VPS13C: variants seen among roughly 807,000 people sequenced by gnomAD.
VPS13C encodes the protein intermembrane lipid transfer protein VPS13C.
A neutral mutation model predicts 456.8 loss-of-function variants in VPS13C; 358 were observed. The observed-to-expected ratio is 0.78, with a 90% CI of 0.72 to 0.86. VPS13C has a LOEUF of 0.86. VPS13C is among the 40% of genes least tolerant of loss of function. The pLI is 0.00. For missense variants in VPS13C, 4,818 were observed against 4,385.4 expected, an observed-to-expected ratio of 1.10 and a Z score of -2.79; for synonymous variants, 1,578 against 1,486.7, an observed-to-expected ratio of 1.06 and a Z score of -1.41.
chr15:61,924,551 A>G (rs2043781530), intron 53 of VPS13C, among the ~76,000 whole-genome samples: 2 of 152,244 alleles, frequency 1.3e-5, no homozygotes, highest in Non-Finnish European at 1.5e-5. Context: ...CAAAGAATGT[A>G]AAGTCTCACC....
rs777595580 is a variant in VPS13C, at chr15:61,934,338, G to C, written c.5756-7C>G. 1 of 1,482,064 alleles carries C rather than the reference G, an allele frequency of 6.7e-7. No homozygotes were observed. The highest frequency in any genetic ancestry group is 2.3e-5 in the Admixed American group (1 of 44,348). The allele number at this position is 1,482,064 out of a possible 1,614,324, so 91.8% of individuals were successfully genotyped here. On this transcript the variant is annotated splice_polypyrimidine_tract_variant and splice_region_variant and intron_variant, in intron 48 of 84. Transcript: ENST00000644861. Reference sequence around the variant, plus strand: ...TCTGTCCAATCTTCTTGTTCTAATGGTGAAAATTTAAAAGCTTTTAAGTAG... The same window carrying C: ...TCTGTCCAATCTTCTTGTTCTAATGCTGAAAATTTAAAAGCTTTTAAGTAG...
Position 61,947,182 on chromosome 15 carries a change from T to C in VPS13C, c.4876+11A>G. On this transcript the variant is annotated intron_variant, in intron 43 of 84. Transcript: ENST00000644861. ...AAACAGAAATACCTACAACAAGAAGTAACTACTTACCATGTATTTTAATAT... is the reference window on the plus strand; with the variant it reads ...AAACAGAAATACCTACAACAAGAAGCAACTACTTACCATGTATTTTAATAT... 1 of 1,500,050 alleles carries C rather than the reference T, an allele frequency of 6.7e-7. No individual in the cohort carries two copies. The highest frequency in any genetic ancestry group is 9.0e-7 in the Non-Finnish European group (1 of 1,107,126). 92.9% of individuals were successfully genotyped at this position (1,500,050 alleles called of 1,614,324 possible).
At chr15:61,856,486 G>C (rs1000105224) in intron 82 of VPS13C, 77 bp from the exon 83 acceptor site, 1 of 1,543,382 alleles carries the variant, frequency 6.5e-7, no homozygotes, top group South Asian at 1.2e-5. Context: ...CACCCTACTG[G>C]ATGGCAGAGG....
intron 22 of VPS13C, among the ~76,000 whole-genome samples, chr15:61,980,675 T>C (rs1297721793): frequency 6.6e-6 from 1 of 152,128 alleles, no homozygotes; most frequent in Non-Finnish European, 1.5e-5. Flanking sequence ...CTATTTTTCT[T>C]CAGTTAGTAA....
In VPS13C at chr15:61,945,060, T is replaced by A. The variant is rs185947352; in HGVS notation, c.5148+655A>T. 9.9e-4 allele frequency among the ~76,000 whole-genome samples: 150 copies of A among 152,246 alleles called. 1 individual carries two copies. The highest frequency in any genetic ancestry group is 3.4e-3 in the African/African-American group (142 of 41,548). On this transcript the variant is annotated intron_variant, in intron 45 of 84. Transcript: ENST00000644861. ...CTTGTGATAGTGAGTTCTCATGAGA[T>A]CTGATGGTTTTATAAGAGGCTCTTC...
chr15:62,017,509 G>C (rs1311954725), intron 9 of VPS13C, among the ~76,000 whole-genome samples: 2 of 152,178 alleles, frequency 1.3e-5, no homozygotes, highest in Non-Finnish European at 2.9e-5. Flanking sequence ...CATATGGCTA[G>C]CCAGTTTTCC....
At chr15:61,970,416 C>G (rs2045510414) in intron 27 of VPS13C, among the ~76,000 whole-genome samples, 1 of 151,966 alleles carries the variant, frequency 6.6e-6, no homozygotes, top group African/African-American at 2.4e-5. Flanking sequence ...CAATAATAAC[C>G]AGAATAATAT....
rs889929272 is a variant in VPS13C, at chr15:61,858,551, T to G, written c.10953-2142A>C. 6.6e-6 allele frequency among the ~76,000 whole-genome samples: 1 copy of G among 152,142 alleles called. No individual in the cohort carries two copies. The highest frequency in any genetic ancestry group is 2.4e-5 in the African/African-American group (1 of 41,440). On this transcript the variant is annotated intron_variant, in intron 82 of 84. Transcript: ENST00000644861. This position sits in a 1 kb window ranked among gnomAD's most constrained non-coding sequence, Gnocchi z 4.4. ...AGTCTCCAAGATTCCCCAACCCTGG[T>G]ATATATCTCTGTATAGTGCCCTGGA...
intron 5 of VPS13C, among the ~76,000 whole-genome samples, chr15:62,031,698 G>A (rs1567130413): frequency 1.3e-5 from 2 of 151,794 alleles, no homozygotes; most frequent in Non-Finnish European, 2.9e-5. Context: ...AAGCTACAAT[G>A]TCATTACCAT....
chr15:62,013,088 C>G lies in VPS13C; in HGVS notation c.776G>C (p.Trp259Ser). The change falls in exon 11 of 85, where the codon TGG becomes TCG. Residue 259 changes from tryptophan (W) to serine (S), a missense_variant. Coordinates refer to ENST00000644861, the MANE Select transcript of VPS13C (RefSeq NM_020821.3). ...LIRLDSLSAYWNVNCSMSYQR... is the reference protein window; with the variant it reads ...LIRLDSLSAYSNVNCSMSYQR... ...GTAAGACATGCTGCAATTTACATTC[C>G]AGTAGGCGCTAAGACTATCAAGTCG... The G allele has an allele frequency of 6.2e-7, 1 of 1,610,182 alleles. No homozygotes were observed. Among genetic ancestry groups the G allele is most frequent in the East Asian group, 2.2e-5 (1 of 44,656 alleles).
intron 16 of VPS13C, among the ~76,000 whole-genome samples, chr15:61,995,660 A>C (rs1241101678): frequency 6.6e-6 from 1 of 152,226 alleles, no homozygotes; most frequent in African/African-American, 2.4e-5. Flanking sequence ...AGCTCTAGCC[A>C]GAAATCAACA....
chr15:61,885,998 T>C (rs1300678368), intron 67 of VPS13C, among the ~76,000 whole-genome samples: 1 of 152,142 alleles, frequency 6.6e-6, no homozygotes, highest in Non-Finnish European at 1.5e-5. Flanking sequence ...AATTGACTAT[T>C]GAGGTTGTTC....
intron 3 of VPS13C, among the ~76,000 whole-genome samples, chr15:62,038,158 A>T (rs1725628412): frequency 6.6e-6 from 1 of 152,214 alleles, no homozygotes; most frequent in South Asian, 2.1e-4. Flanking sequence ...AATCCTAAAC[A>T]TAAAACCTGA....
intron 81 of VPS13C, chr15:61,865,724 G>GTGTT: frequency 2.1e-6 from 1 of 467,146 alleles, no homozygotes; most frequent in Non-Finnish European, 2.8e-6. Context: ...GTGTATATAT[G>GTGTT]TGTTTGTGTG....
chr15:61,919,510 C>T, intron 57 of VPS13C, 61 bp from the exon 58 acceptor site: 1 of 1,405,868 alleles, frequency 7.1e-7, no homozygotes. Flanking sequence ...TTCTCTATAA[C>T]AATCATTAGT....
intron 61 of VPS13C, among the ~76,000 whole-genome samples, chr15:61,914,160 A>T (rs1278747831): frequency 1.3e-5 from 2 of 152,182 alleles, no homozygotes; most frequent in Non-Finnish European, 2.9e-5. Flanking sequence ...GTGTTAATCA[A>T]CACTCAAAGA....
At chr15:61,907,945 A>T (rs978249517) in intron 65 of VPS13C, among the ~76,000 whole-genome samples, 1 of 152,252 alleles carries the variant, frequency 6.6e-6, no homozygotes, top group South Asian at 2.1e-4. Flanking sequence ...TACAATACTT[A>T]AGATATATTA....
At chr15:62,034,688 A>G (rs1446564063) in intron 4 of VPS13C, among the ~76,000 whole-genome samples, 1 of 151,910 alleles carries the variant, frequency 6.6e-6, no homozygotes, top group Non-Finnish European at 1.5e-5. Context: ...CTCAACAGGA[A>G]GCCTTAGTTG....
rs183962320 is a variant in VPS13C at position 61,912,098 on chromosome 15, T to C, written c.8551-94A>G. The C allele has an allele frequency of 1.2e-3, 1,284 of 1,082,434 alleles. 2 individuals are homozygous for C. Among genetic ancestry groups the C allele is most frequent in the Non-Finnish European group, 1.0e-3 (853 of 829,058 alleles). 67.1% of individuals were successfully genotyped at this position (1,082,434 alleles called of 1,614,324 possible). Reference sequence around the variant, plus strand: ...TTCACACACAAACTTCTTACAATATTTTAAAATAATAATTCTTAAATAAAG... The same window carrying C: ...TTCACACACAAACTTCTTACAATATCTTAAAATAATAATTCTTAAATAAAG... On this transcript the variant is annotated intron_variant, in intron 62 of 84. Coordinates refer to ENST00000644861, the MANE Select transcript of VPS13C (RefSeq NM_020821.3).
Sources: allele counts gnomAD v4.1 joint callset (sites outside exome capture counted in the v4.1 genomes callset), GRCh38; gene constraint gnomAD v4.1.1; non-coding constraint Gnocchi (gnomAD v3.1); transcripts MANE v1.5; gene names NCBI Gene and HGNC (gene_info 2026-07-23, HGNC 2026-07-21).